Variants in BNC2 observed in about 807,000 individuals in gnomAD.
BNC2 encodes the protein zinc finger protein basonuclin-2.
Under a neutral mutation model 76.3 loss-of-function variants are expected in BNC2, and 20 were observed. The ratio of observed to expected loss-of-function variants is 0.26; its 90% CI spans 0.18 to 0.38. The LOEUF (loss-of-function observed/expected upper bound fraction) is 0.38, where lower values mean the gene tolerates loss of function less well. BNC2 is among the 10% of genes least tolerant of loss of function. The pLI, the probability that BNC2 is intolerant of heterozygous loss-of-function variation, is 1.00. For synonymous variants in BNC2, 582 were observed against 514.8 expected (o/e 1.13, Z -1.77); for missense variants, 1,382 against 1,399.8 (o/e 0.99, Z 0.20).
intron 1 of BNC2, among the ~76,000 whole-genome samples, chr9:16,824,187 C>T (rs180911145): frequency 3.9e-5 from 6 of 152,076 alleles, no homozygotes; most frequent in Admixed American, 6.5e-5. Flanking sequence ...ATGTGTCTAA[C>T]GACAGTGAGG....
At chr9:16,523,475 C>CAA (rs1235558983) in intron 5 of BNC2, among the ~76,000 whole-genome samples, 4 of 91,646 alleles carry the variant, frequency 4.4e-5, no homozygotes, top group East Asian at 3.4e-4. Context: ...CGTCTCAAAA[C>CAA]AAAAAAAAAA....
chr9:16,694,411 G>A (rs1185924053), intron 3 of BNC2, among the ~76,000 whole-genome samples: 2 of 151,952 alleles, frequency 1.3e-5, no homozygotes, highest in East Asian at 1.9e-4. Flanking sequence ...AAATACAACA[G>A]GCATTTACTA....
intron 5 of BNC2, among the ~76,000 whole-genome samples, chr9:16,508,452 A>G (rs930614823): frequency 4.6e-5 from 7 of 152,158 alleles, no homozygotes; most frequent in African/African-American, 1.4e-4. Context: ...AAAAAACATC[A>G]TAATTCTTGT....
chr9:16,477,165 G>C (rs947512013), intron 5 of BNC2, among the ~76,000 whole-genome samples: 5 of 152,206 alleles, frequency 3.3e-5, no homozygotes, highest in African/African-American at 9.7e-5. Context: ...ACCGAGGCAG[G>C]AGGATCACTT....
intron 1 of BNC2, among the ~76,000 whole-genome samples, chr9:16,808,130 T>C (rs1817957169): frequency 6.6e-6 from 1 of 152,210 alleles, no homozygotes; most frequent in African/African-American, 2.4e-5. Flanking sequence ...TTTCAGAGTA[T>C]GTTTCTGATA....
chr9:16,722,883 G>C (rs1207211785), intron 3 of BNC2, among the ~76,000 whole-genome samples: 1 of 152,006 alleles, frequency 6.6e-6, no homozygotes, highest in Non-Finnish European at 1.5e-5. Context: ...TCAAAGTTTA[G>C]GACAAACCAA....
intron 1 of BNC2, among the ~76,000 whole-genome samples, chr9:16,805,586 CCACAGTG>C (rs1394549757): frequency 6.6e-6 from 1 of 152,124 alleles, no homozygotes; most frequent in East Asian, 1.9e-4. Context: ...CCTCAGCCTC[CCACAGTG>C]CTGGGATTAC....
At chr9:16,618,813 A>G (rs754436844) in intron 3 of BNC2, among the ~76,000 whole-genome samples, 14 of 152,194 alleles carry the variant, frequency 9.2e-5, no homozygotes, top group Non-Finnish European at 1.9e-4. Context: ...GAGTGGTTTC[A>G]TAAAGGTGGA....
At chr9:16,644,885 C>G (rs1821582629) in intron 3 of BNC2, among the ~76,000 whole-genome samples, 1 of 152,130 alleles carries the variant, frequency 6.6e-6, no homozygotes, top group Non-Finnish European at 1.5e-5. Flanking sequence ...TTTGCTTTTT[C>G]TCTTTCAATT....
chr9:16,659,444 C>T (rs1371702920), intron 3 of BNC2, among the ~76,000 whole-genome samples: 1 of 151,950 alleles, frequency 6.6e-6, no homozygotes, highest in African/African-American at 2.4e-5. Context: ...CCCATCTCTA[C>T]TAAAAACACA....
chr9:16,776,304 C>T (rs1460571192), intron 1 of BNC2, among the ~76,000 whole-genome samples: 1 of 152,048 alleles, frequency 6.6e-6, no homozygotes, highest in Non-Finnish European at 1.5e-5. Flanking sequence ...CCACGCCCTG[C>T]TATTTTTGTA....
intron 5 of BNC2, among the ~76,000 whole-genome samples, chr9:16,448,078 C>G (rs1169761296): frequency 4.6e-5 from 7 of 152,074 alleles, no homozygotes; most frequent in African/African-American, 1.7e-4. Flanking sequence ...TCCACTCAGA[C>G]ATAAAGATAA....
At chr9:16,451,400 T>A (rs1169225880) in intron 5 of BNC2, among the ~76,000 whole-genome samples, 1 of 152,168 alleles carries the variant, frequency 6.6e-6, no homozygotes, top group Non-Finnish European at 1.5e-5. Context: ...TTCAAAAACA[T>A]GAGGTTGGGA....
chr9:16,555,525 G>C (rs1414645652), intron 4 of BNC2, among the ~76,000 whole-genome samples: 1 of 152,180 alleles, frequency 6.6e-6, no homozygotes, highest in African/African-American at 2.4e-5. Context: ...AGCTGGGCAA[G>C]GTGGCTCACA....
chr9:16,763,150 G>T (rs1420429214), intron 1 of BNC2, among the ~76,000 whole-genome samples: 1 of 152,080 alleles, frequency 6.6e-6, no homozygotes, highest in Non-Finnish European at 1.5e-5. Flanking sequence ...TTAGAAAAAA[G>T]ATCCATTTAA....
At position 16,559,854 on chromosome 9, in the gene BNC2, C is replaced by T. The variant is rs149584668; in HGVS notation, c.434-7089G>A. 1.3e-3 allele frequency among the ~76,000 whole-genome samples: 201 copies of T among 152,316 alleles called. 1 individual carries two copies. Among genetic ancestry groups the T allele is most frequent in the East Asian group, 0.011 (56 of 5,190 alleles). Reference sequence around the variant, plus strand: ...CTGAGGTACGTGCTGTATGCAGATGCAAAAGTAATTTATGTTGTGGCCTCC... The same window carrying T: ...CTGAGGTACGTGCTGTATGCAGATGTAAAAGTAATTTATGTTGTGGCCTCC... On this transcript the variant is annotated intron_variant, in intron 4 of 6. Transcript: ENST00000380672.
At chr9:16,442,087 G>A (rs1821140271) in intron 5 of BNC2, among the ~76,000 whole-genome samples, 1 of 152,142 alleles carries the variant, frequency 6.6e-6, no homozygotes, top group East Asian at 1.9e-4. Context: ...TGTAACCAGA[G>A]TACAGTGACT....
chr9:16,869,720 G>A (rs1282524607), intron 1 of BNC2, among the ~76,000 whole-genome samples: 4 of 152,118 alleles, frequency 2.6e-5, no homozygotes, highest in Non-Finnish European at 5.9e-5. Context: ...TCATCACCAG[G>A]CGAACTAATT....
chr9:16,628,021 T>G (rs79538366), intron 3 of BNC2, among the ~76,000 whole-genome samples: 5,379 of 152,226 alleles, frequency 0.035, 129 homozygotes, highest in Middle Eastern at 0.12. Flanking sequence ...CCTTAAGAAG[T>G]CACATGTTTC....
Sources: gnomAD v4.1 joint callset for allele counts (sites outside exome capture counted in the v4.1 genomes callset) on GRCh38, gnomAD v4.1.1 for gene constraint, MANE v1.5 for transcripts, NCBI Gene and HGNC (gene_info 2026-07-23, HGNC 2026-07-21) for gene names.